UVRAG: variants seen among roughly 807,000 people sequenced by gnomAD.
The protein encoded by UVRAG is UV radiation resistance associated.
Under a neutral mutation model 78.0 loss-of-function variants are expected in UVRAG, and 19 were observed. The ratio of observed to expected loss-of-function variants is 0.24; its 90% CI spans 0.17 to 0.36. UVRAG has a LOEUF of 0.36. UVRAG is among the 10% of genes least tolerant of loss of function. UVRAG has a pLI of 1.00. For missense variants in UVRAG, 740 were observed against 853.8 expected (o/e 0.87, Z 1.66); for synonymous variants, 323 against 324.6 (o/e 1.00, Z 0.05).
intron 1 of UVRAG, among the ~76,000 whole-genome samples, chr11:75,820,775 A>G (rs1426577739): frequency 6.6e-6 from 1 of 152,118 alleles, no homozygotes; most frequent in Non-Finnish European, 1.5e-5. Context: ...GTTCTGAACA[A>G]CTGTGGCCAG....
chr11:76,116,010 C>A lies in UVRAG; in HGVS notation c.1392C>A (p.Val464=). ...ACTTCATGGAGCATGGACTAATGGT[C>A]AGGTGGTGAGTACCTTTATCTCTGA... ...LKNFMEHGLM[V]RCDRHHTSSA... is the part of the protein sequence containing the mutation. The change falls in exon 14 of 15, where the codon GTC becomes GTA. Residue 464 remains valine (V), a synonymous_variant. Transcript: ENST00000356136. The A allele has an allele frequency of 6.2e-7, 1 of 1,613,654 alleles. No individual in the cohort carries two copies. The highest frequency in any genetic ancestry group is 1.1e-5 in the South Asian group (1 of 91,044).
chr11:76,022,234 A>G (rs1371533728), intron 12 of UVRAG, among the ~76,000 whole-genome samples: 2 of 152,208 alleles, frequency 1.3e-5, no homozygotes, highest in Non-Finnish European at 2.9e-5. Context: ...CCTGGAGAAC[A>G]TTCTACATGC....
intron 8 of UVRAG, among the ~76,000 whole-genome samples, chr11:75,996,726 A>G (rs1043345800): frequency 3.3e-5 from 5 of 152,212 alleles, no homozygotes; most frequent in African/African-American, 1.2e-4. Context: ...GATGAGGAAC[A>G]TGAAGTTCAG....
At chr11:76,124,128 T>C (rs1247620246) in intron 14 of UVRAG, among the ~76,000 whole-genome samples, 3 of 152,240 alleles carry the variant, frequency 2.0e-5, no homozygotes, top group Non-Finnish European at 4.4e-5. Context: ...CCAAGCATAG[T>C]TTTTGTAGGC....
chr11:76,032,455 A>C (rs963868374), intron 12 of UVRAG, among the ~76,000 whole-genome samples: 1 of 152,202 alleles, frequency 6.6e-6, no homozygotes, highest in African/African-American at 2.4e-5. Context: ...ATTCATATAT[A>C]GTTAAATCAT....
intron 11 of UVRAG, among the ~76,000 whole-genome samples, chr11:76,011,706 T>G (rs1354946169): frequency 6.6e-6 from 1 of 152,178 alleles, no homozygotes; most frequent in African/African-American, 2.4e-5. Context: ...GTTCTGTGTA[T>G]GTCATCCATG....
intron 12 of UVRAG, among the ~76,000 whole-genome samples, chr11:76,034,884 A>G (rs1038698836): frequency 3.3e-5 from 5 of 152,242 alleles, no homozygotes; most frequent in African/African-American, 9.6e-5. Context: ...ATGAAATACT[A>G]GAAGTATTAA....
intron 2 of UVRAG, 40 bp from the exon 3 acceptor site, chr11:75,861,706 T>C: frequency 6.7e-7 from 1 of 1,494,970 alleles, no homozygotes; most frequent in Non-Finnish European, 9.3e-7. Flanking sequence ...GGGCTTATTT[T>C]CTTTCATATC....
intron 1 of UVRAG, among the ~76,000 whole-genome samples, chr11:75,815,939 C>A (rs942689125): frequency 6.6e-6 from 1 of 152,238 alleles, no homozygotes; most frequent in Non-Finnish European, 1.5e-5. Context: ...CTTTCCCCAC[C>A]TGGCCATCCC....
intron 1 of UVRAG, among the ~76,000 whole-genome samples, chr11:75,838,588 A>G (rs947284837): frequency 1.3e-5 from 2 of 152,122 alleles, no homozygotes; most frequent in African/African-American, 4.8e-5. Flanking sequence ...CCTGGGCTCA[A>G]GTGATCCTCC....
intron 8 of UVRAG, among the ~76,000 whole-genome samples, chr11:75,988,895 T>G (rs1312228379): frequency 6.6e-6 from 1 of 152,164 alleles, no homozygotes; most frequent in East Asian, 1.9e-4. Flanking sequence ...CTTTCATCTG[T>G]TTTTTGGAAA....
intron 6 of UVRAG, among the ~76,000 whole-genome samples, chr11:75,945,017 G>C (rs1194300959): frequency 1.3e-5 from 2 of 152,124 alleles, no homozygotes; most frequent in African/African-American, 4.8e-5. Context: ...AATGAGAAAT[G>C]ATCAGTCTTT....
At chr11:75,855,319 G>A (rs565421913) in intron 2 of UVRAG, among the ~76,000 whole-genome samples, 1 of 152,314 alleles carries the variant, frequency 6.6e-6, no homozygotes, top group South Asian at 2.1e-4. Flanking sequence ...TCCGGGGTCT[G>A]GTGTTGCTGT....
intron 3 of UVRAG, among the ~76,000 whole-genome samples, chr11:75,870,843 C>T (rs1018105133): frequency 1.3e-5 from 2 of 152,030 alleles, no homozygotes; most frequent in Admixed American, 6.6e-5. Flanking sequence ...CAATGAAACA[C>T]GATCATCTTT....
intron 6 of UVRAG, among the ~76,000 whole-genome samples, chr11:75,937,605 G>A (rs577129146): frequency 1.9e-4 from 29 of 152,222 alleles, no homozygotes; most frequent in African/African-American, 7.0e-4. Flanking sequence ...TGTTTCCAGT[G>A]AGAAATCTGT....
At chr11:76,022,207 C>T (rs1362353344) in intron 12 of UVRAG, among the ~76,000 whole-genome samples, 1 of 152,064 alleles carries the variant, frequency 6.6e-6, no homozygotes, top group Non-Finnish European at 1.5e-5. Context: ...TGTTTTGTGG[C>T]CTAATGTATT....
intron 12 of UVRAG, among the ~76,000 whole-genome samples, chr11:76,062,450 T>G (rs1299759685): frequency 6.6e-6 from 1 of 152,194 alleles, no homozygotes; most frequent in Non-Finnish European, 1.5e-5. Context: ...ATCAATCTCC[T>G]GTAACGCATA....
At chr11:75,945,070 CAGG>C (rs1948562824) in intron 6 of UVRAG, among the ~76,000 whole-genome samples, 2 of 152,160 alleles carry the variant, frequency 1.3e-5, no homozygotes, top group East Asian at 3.9e-4. Context: ...GGCAGTTTCC[CAGG>C]AGTTTTTCTA....
intron 13 of UVRAG, among the ~76,000 whole-genome samples, chr11:76,108,202 T>C (rs1952004967): frequency 6.6e-6 from 1 of 152,184 alleles, no homozygotes; most frequent in South Asian, 2.1e-4. Flanking sequence ...CATGTGTGTG[T>C]GTTGTCTAAA....
Sources: gnomAD v4.1 joint callset for allele counts (sites outside exome capture counted in the v4.1 genomes callset) on GRCh38, gnomAD v4.1.1 for gene constraint, MANE v1.5 for transcripts, NCBI Gene and HGNC (gene_info 2026-07-23, HGNC 2026-07-21) for gene names.